Variants in BRAF observed in about 807,000 individuals in gnomAD.
BRAF encodes serine/threonine-protein kinase B-raf.
In BRAF, 16 loss-of-function variants were observed where a neutral mutation model predicts 104.6. The observed-to-expected ratio is 0.15, with a 90% CI of 0.10 to 0.23. The LOEUF is 0.23. Among genes scored for constraint, BRAF ranks in the 10% least tolerant of loss-of-function variants. The pLI, the probability that BRAF is intolerant of heterozygous loss-of-function variation, is 1.00. For synonymous variants in BRAF, 310 were observed against 341.6 expected (o/e 0.91, Z 1.02); for missense variants, 541 against 937.3 (o/e 0.58, Z 5.52).
At position 140,807,887 on chromosome 7, in the gene BRAF, T is replaced by C. The variant is rs1039966145; in HGVS notation, c.711+73A>G. On this transcript the variant is annotated intron_variant, in intron 5 of 19. Transcript: ENST00000644969. Reference sequence around the variant, plus strand: ...AAAATTACTCATCCATATTTCACATTCCCTAAATAAAAATTCATTCATTAA... The same window carrying C: ...AAAATTACTCATCCATATTTCACATCCCCTAAATAAAAATTCATTCATTAA... 3.3e-6 allele frequency: 4 copies of C among 1,224,280 alleles called. No individual in the cohort carries two copies. The African/African-American group carries it at 6.0e-5, about 18-fold the overall frequency. 75.8% of individuals were successfully genotyped at this position (1,224,280 alleles called of 1,614,324 possible). A position where few individuals can be genotyped will look rare whatever the true frequency, so the allele number is the denominator to read the frequency against.
At chr7:140,875,076 ATC>A (rs1190989060) in intron 1 of BRAF, among the ~76,000 whole-genome samples, 1 of 152,178 alleles carries the variant, frequency 6.6e-6, no homozygotes, top group African/African-American at 2.4e-5. Context: ...AGCCAACTGA[ATC>A]TCTGTTCTTT....
At position 140,924,172 on chromosome 7, in the gene BRAF, C is replaced by T. The variant is rs1818581334; in HGVS notation, c.138+394G>A. On this transcript the variant is annotated intron_variant, in intron 1 of 19. Transcript: ENST00000644969. The surrounding 1 kb of genome is among the most constrained non-coding windows in gnomAD (Gnocchi z 4.2). Reference sequence around the variant, plus strand: ...ACAGTAACTCGGGCTGTTGTCTCAGCCCCAGCAACTAACCTATATCCTCCA... The same window carrying T: ...ACAGTAACTCGGGCTGTTGTCTCAGTCCCAGCAACTAACCTATATCCTCCA... Among the ~76,000 whole-genome samples, 1 of 152,242 alleles carries T rather than the reference C, an allele frequency of 6.6e-6. No homozygotes were observed. Among genetic ancestry groups the T allele is most frequent in the Admixed American group, 6.5e-5 (1 of 15,290 alleles).
chr7:140,793,786 T>C (rs1802236521), intron 8 of BRAF, among the ~76,000 whole-genome samples: 1 of 152,084 alleles, frequency 6.6e-6, no homozygotes, highest in African/African-American at 2.4e-5. Flanking sequence ...TCACCATGCA[T>C]GGCTAATTTG....
chr7:140,839,857 C>T (rs987426538), intron 2 of BRAF, among the ~76,000 whole-genome samples: 55 of 152,300 alleles, frequency 3.6e-4, no homozygotes, highest in African/African-American at 1.2e-3. Context: ...AACTCTCACC[C>T]GTCAGGAAGT....
At chr7:140,908,559 C>T (rs903825572) in intron 1 of BRAF, among the ~76,000 whole-genome samples, 16 of 152,080 alleles carry the variant, frequency 1.1e-4, no homozygotes, top group African/African-American at 3.9e-4. Context: ...CTGGACCACC[C>T]AGACAGAGCA....
At chr7:140,765,588 C>G (rs949099803) in intron 14 of BRAF, among the ~76,000 whole-genome samples, 1 of 151,804 alleles carries the variant, frequency 6.6e-6, no homozygotes, top group African/African-American at 2.4e-5. Flanking sequence ...ACAAAGAACT[C>G]AAACAAATTT....
chr7:140,763,061 C>T (rs1798915231), intron 14 of BRAF, among the ~76,000 whole-genome samples: 1 of 152,236 alleles, frequency 6.6e-6, no homozygotes, highest in Admixed American at 6.5e-5. Context: ...CCCGCTTTTC[C>T]CCTCCTTCTA....
rs74910345 is a variant in BRAF, at chr7:140,843,002, A to T, written c.240+7109T>A. ...AGTTGAAGATTTATCTTCCTATAGA[A>T]ACTTAAAAGGGGTTTCTGTTGAAAT... On this transcript the variant is annotated intron_variant, in intron 2 of 19. Transcript: ENST00000644969. 7.7e-3 allele frequency among the ~76,000 whole-genome samples: 1,167 copies of T among 152,316 alleles called. 19 individuals are homozygous for T. The highest frequency in any genetic ancestry group is 0.027 in the African/African-American group (1,103 of 41,566).
intron 2 of BRAF, among the ~76,000 whole-genome samples, chr7:140,844,124 T>C (rs1425745311): frequency 4.6e-5 from 7 of 152,172 alleles, no homozygotes; most frequent in Non-Finnish European, 8.8e-5. Flanking sequence ...AAGAGCCACA[T>C]GCATATGGGA....
Position 140,777,982 on chromosome 7 carries a change from C to T in BRAF, c.1637+9G>A, listed in dbSNP as rs956390000. 6.2e-7 allele frequency: 1 copy of T among 1,612,794 alleles called. No individual in the cohort carries two copies. The highest frequency in any genetic ancestry group is 1.7e-5 in the Admixed American group (1 of 59,982). On this transcript the variant is annotated intron_variant, in intron 13 of 19. Coordinates refer to ENST00000644969, the MANE Select transcript of BRAF (RefSeq NM_001374258.1). ...TTTCTCTGGAAAAGAGTAATTCACACAAGCTCACCTGAGTACTCCTACTTC... is the reference window on the plus strand; with the variant it reads ...TTTCTCTGGAAAAGAGTAATTCACATAAGCTCACCTGAGTACTCCTACTTC...
In BRAF at chr7:140,721,714, A is replaced by G; in HGVS notation, c.*4780T>C. 6.5e-7 allele frequency: 1 copy of G among 1,526,892 alleles called. No homozygotes were observed. Among genetic ancestry groups the G allele is most frequent in the Non-Finnish European group, 8.7e-7 (1 of 1,143,212 alleles). The allele number at this position is 1,526,892 out of a possible 1,614,324, so 94.6% of individuals were successfully genotyped here. The stretch of plus-strand genomic sequence containing the variant: ...ATAACATTTCAAGGATGTGCTGGAG[A>G]CAATACATGGACTTTCTCTTTCAAT... On this transcript the variant is annotated 3_prime_UTR_variant, in exon 20 of 20. Coordinates refer to ENST00000644969, the MANE Select transcript of BRAF (RefSeq NM_001374258.1).
chr7:140,805,289 A>G (rs1236621415), intron 5 of BRAF, among the ~76,000 whole-genome samples: 2 of 152,208 alleles, frequency 1.3e-5, no homozygotes, highest in Admixed American at 6.5e-5. Context: ...GGGATATAAA[A>G]CAGGTAAATG....
intron 14 of BRAF, among the ~76,000 whole-genome samples, chr7:140,774,047 A>T (rs552765929): frequency 1.2e-4 from 19 of 152,362 alleles, no homozygotes; most frequent in Non-Finnish European, 2.1e-4. Flanking sequence ...AATCCTTCAG[A>T]AACTGAAGAT....
chr7:140,794,157 T>TTC (rs1383362038), intron 8 of BRAF, 151 bp downstream of exon 8: 1 of 949,648 alleles, frequency 1.1e-6, no homozygotes, highest in African/African-American at 1.7e-5. Context: ...CCAGAAGCTT[T>TTC]TCTGATTTGT....
downstream of BRAF, among the ~76,000 whole-genome samples, chr7:140,717,457 A>G (rs1354508570): frequency 6.6e-6 from 1 of 151,964 alleles, no homozygotes; most frequent in Non-Finnish European, 1.5e-5. Flanking sequence ...TTTTTTGGCC[A>G]GGCTGGTCTG....
At chr7:140,813,059 G>C (rs1804455144) in intron 3 of BRAF, among the ~76,000 whole-genome samples, 2 of 151,870 alleles carry the variant, frequency 1.3e-5, no homozygotes, top group South Asian at 4.1e-4. Flanking sequence ...CCTACATAAA[G>C]CTAAAAAAAA....
At chr7:140,910,807 G>A (rs1446230223) in intron 1 of BRAF, among the ~76,000 whole-genome samples, 2 of 152,072 alleles carry the variant, frequency 1.3e-5, no homozygotes, top group Non-Finnish European at 2.9e-5. Flanking sequence ...CAAGTAGCTG[G>A]GACTACATGT....
intron 1 of BRAF, among the ~76,000 whole-genome samples, chr7:140,915,371 A>AT (rs1177147358): frequency 3.9e-5 from 6 of 152,046 alleles, no homozygotes; most frequent in African/African-American, 1.4e-4. Context: ...AAGGTTACAT[A>AT]TTTAGTGCAA....
rs71170770 is a variant in BRAF at position 140,884,429 on chromosome 7, A to ATGTGTGTGTGTGTGTG, written c.139-34233_139-34218dup. Reference sequence around the variant, plus strand: ...AGGATCTCTTATATATATATAAGATATGTGTGTGTGTGTGTGTGTGTGTGT... The same window carrying ATGTGTGTGTGTGTGTG: ...AGGATCTCTTATATATATATAAGATATGTGTGTGTGTGTGTGTGTGTGTGTGTGTGTGTGTGTGTGT... On this transcript the variant is annotated intron_variant, in intron 1 of 19. Transcript: ENST00000644969. 2.4e-3 allele frequency among the ~76,000 whole-genome samples: 308 copies of ATGTGTGTGTGTGTGTG among 127,512 alleles called. 1 individual carries two copies. Among genetic ancestry groups the ATGTGTGTGTGTGTGTG allele is most frequent in the Middle Eastern group, 4.0e-3 (1 of 250 alleles). 83.7% of individuals were successfully genotyped at this position (127,512 alleles called of 152,430 possible). A position where few individuals can be genotyped will look rare whatever the true frequency, so the allele number is the denominator to read the frequency against.
Sources: gnomAD v4.1 joint callset for allele counts (sites outside exome capture counted in the v4.1 genomes callset) on GRCh38, gnomAD v4.1.1 for gene constraint, Gnocchi (gnomAD v3.1) non-coding constraint, MANE v1.5 for transcripts, NCBI Gene and HGNC (gene_info 2026-07-23, HGNC 2026-07-21) for gene names.